Variants in GABBR2 observed in about 807,000 individuals in gnomAD.
The protein encoded by GABBR2 is G-protein coupled receptor 51.
Under a neutral mutation model 105.6 loss-of-function variants are expected in GABBR2, and 23 were observed. The observed-to-expected ratio is 0.22, with a 90% confidence interval of 0.16 to 0.31. The LOEUF is 0.31. Among genes scored for constraint, GABBR2 ranks in the 10% least tolerant of loss-of-function variants. GABBR2 has a pLI of 1.00. For missense variants in GABBR2, 734 were observed against 1,245.5 expected (o/e 0.59, Z 6.18); for synonymous variants, 478 against 499.7 (o/e 0.96, Z 0.58).
Position 98,708,641 on chromosome 9 carries a change from GC to G in GABBR2, c.96del (p.Leu33CysfsTer82). On this transcript the variant is annotated frameshift_variant, in exon 1 of 19. Transcript: ENST00000259455. LOFTEE classifies it high-confidence loss of function. The stretch of plus-strand genomic sequence containing the variant: ...CCCCAGGCCCCGGGCGCCAGAGGCA[GC>G]AGCAGCGGCAGCAGCAGTAGCAGTA... ...RLLLLLLLPLLLPLAPGAWGW... is the reference protein window; with the variant it reads ...RLLLLLLLPLXLPLAPGAWGW... 2 of 1,240,844 alleles carry G rather than the reference GC, an allele frequency of 1.6e-6. No homozygotes were observed. Among genetic ancestry groups the G allele is most frequent in the Non-Finnish European group, 2.0e-6 (2 of 994,722 alleles). The allele number at this position is 1,240,844 out of a possible 1,614,324, so 76.9% of individuals were successfully genotyped here.
chr9:98,380,131 A>C (rs1196831185), intron 11 of GABBR2, among the ~76,000 whole-genome samples: 2 of 152,214 alleles, frequency 1.3e-5, no homozygotes, highest in Non-Finnish European at 2.9e-5. Context: ...CTGCTCCGTC[A>C]GGTGGGGACA....
chr9:98,495,878 A>G (rs910453746), intron 4 of GABBR2: 2 of 154,522 alleles, frequency 1.3e-5, no homozygotes, highest in Non-Finnish European at 2.9e-5. Flanking sequence ...GATGATGTCT[A>G]TGAGCCCAAG....
At chr9:98,640,037 T>C (rs548234846) in intron 1 of GABBR2, among the ~76,000 whole-genome samples, 2 of 152,182 alleles carry the variant, frequency 1.3e-5, no homozygotes, top group East Asian at 1.9e-4. Flanking sequence ...AAGGGATTCT[T>C]GGCTTAATTC....
chr9:98,440,187 C>T (rs1457952057), intron 7 of GABBR2, among the ~76,000 whole-genome samples: 1 of 144,224 alleles, frequency 6.9e-6, no homozygotes, highest in South Asian at 2.3e-4. Flanking sequence ...TCAGTTGCAG[C>T]CACACTGCCA....
intron 11 of GABBR2, among the ~76,000 whole-genome samples, chr9:98,373,097 C>T (rs1199677416): frequency 6.6e-6 from 1 of 151,778 alleles, no homozygotes; most frequent in Non-Finnish European, 1.5e-5. Flanking sequence ...GAAAAATATA[C>T]AAAACAGGGA....
intron 2 of GABBR2, among the ~76,000 whole-genome samples, chr9:98,569,850 TCA>T (rs1198153731): frequency 6.6e-6 from 1 of 152,220 alleles, no homozygotes; most frequent in Non-Finnish European, 1.5e-5. Flanking sequence ...TTTTGATTTC[TCA>T]GACAGCCTAC....
chr9:98,518,210 G>C (rs1827797438), intron 3 of GABBR2, among the ~76,000 whole-genome samples: 1 of 152,170 alleles, frequency 6.6e-6, no homozygotes, highest in African/African-American at 2.4e-5. Flanking sequence ...AGCCCCTGGA[G>C]CTGCAGTAGC....
chr9:98,325,917 C>T lies in GABBR2; in HGVS notation c.1894-14712G>A, dbSNP rs73492826. On this transcript the variant is annotated intron_variant, in intron 13 of 18. Transcript: ENST00000259455. ...GGTGTTCTTCAAAGACCTAAGGGCC[C>T]ATGCATCCTATGATTCAGAACCCCC... Among the ~76,000 whole-genome samples the T allele has an allele frequency of 9.6e-3, 1,458 of 152,316 alleles. 25 individuals carry two copies. Among genetic ancestry groups the T allele is most frequent in the African/African-American group, 0.034 (1,410 of 41,556 alleles).
chr9:98,499,461 G>C (rs148213426), intron 3 of GABBR2, among the ~76,000 whole-genome samples: 331 of 152,290 alleles, frequency 2.2e-3, no homozygotes, highest in Admixed American at 3.3e-3. Flanking sequence ...TGGTCAGTGA[G>C]GTCAGCCACT....
chr9:98,394,231 T>C lies in GABBR2; in HGVS notation c.1322A>G (p.Glu441Gly). 1 of 1,613,700 alleles carries C rather than the reference T, an allele frequency of 6.2e-7. No individual in the cohort carries two copies. The highest frequency in any genetic ancestry group is 1.1e-5 in the South Asian group (1 of 91,056). Residue 441 changes from glutamate to glycine, a missense_variant, in exon 9 of 19, where the codon GAG (glutamate) becomes GGG (glycine). Around this residue, in one of 7 missense-constraint regions of GABBR2, gnomAD observed 370 missense variants for 648.9 expected, o/e 0.57. Transcript: ENST00000259455. ...CAGTGTGTCGGCCACAGCGTTGTAC[T>C]CTCCCACCTTCACCTCCCTGCTGTC... ...FQDSREVKVG[E>G]YNAVADTLEI... is the part of the protein sequence containing the mutation.
chr9:98,318,694 C>CGGCCA (rs1362094346), intron 13 of GABBR2, among the ~76,000 whole-genome samples: 4 of 152,198 alleles, frequency 2.6e-5, no homozygotes, highest in Non-Finnish European at 5.9e-5. Flanking sequence ...CAGCCCGGCC[C>CGGCCA]GGCCAGTGCT....
chr9:98,312,898 C>T (rs377409347), intron 13 of GABBR2, among the ~76,000 whole-genome samples: 4 of 152,032 alleles, frequency 2.6e-5, no homozygotes, highest in South Asian at 2.1e-4. Context: ...TATAGGCGGC[C>T]GCCACCATGC....
At chr9:98,576,933 T>TGGATGGATGGATGGATGGAA (rs761095503) in intron 2 of GABBR2, among the ~76,000 whole-genome samples, 38,787 of 145,324 alleles carry the variant, frequency 0.27, 6,434 homozygotes, top group East Asian at 0.4. Flanking sequence ...GATGGATGGA[T>TGGATGGATGGATGGATGGAA]GGATGGATGG....
intron 7 of GABBR2, among the ~76,000 whole-genome samples, chr9:98,424,764 C>A (rs1339129873): frequency 6.6e-6 from 1 of 152,098 alleles, no homozygotes; most frequent in East Asian, 1.9e-4. Context: ...ACTTAGGAAT[C>A]CAACTTACAA....
At chr9:98,672,946 T>C (rs1830423921) in intron 1 of GABBR2, among the ~76,000 whole-genome samples, 1 of 152,232 alleles carries the variant, frequency 6.6e-6, no homozygotes, top group Non-Finnish European at 1.5e-5. Flanking sequence ...ACATTCACAA[T>C]AATTGTATTA....
chr9:98,580,862 C>T (rs1463612697), intron 1 of GABBR2, among the ~76,000 whole-genome samples: 1 of 152,170 alleles, frequency 6.6e-6, no homozygotes, highest in Non-Finnish European at 1.5e-5. Context: ...CACGTTCTCT[C>T]CTTATTTTTG....
intron 3 of GABBR2, among the ~76,000 whole-genome samples, chr9:98,524,091 T>C (rs959423490): frequency 6.6e-6 from 1 of 152,144 alleles, no homozygotes; most frequent in African/African-American, 2.4e-5. Context: ...TGAGAAAATA[T>C]GTTACTAAAT....
At chr9:98,337,571 C>A (rs1831137909) in intron 13 of GABBR2, among the ~76,000 whole-genome samples, 1 of 152,140 alleles carries the variant, frequency 6.6e-6, no homozygotes, top group African/African-American at 2.4e-5. Flanking sequence ...ACTCACACTT[C>A]CAATTTTAAT....
intron 2 of GABBR2, among the ~76,000 whole-genome samples, chr9:98,557,829 C>A (rs193267400): frequency 2.0e-5 from 3 of 152,236 alleles, no homozygotes; most frequent in South Asian, 4.2e-4. Flanking sequence ...AGGGAACATA[C>A]TAATTAAGTT....
Sources: allele counts gnomAD v4.1 joint callset (sites outside exome capture counted in the v4.1 genomes callset), GRCh38; gene constraint gnomAD v4.1.1; regional missense constraint gnomAD v4.1.1; transcripts MANE v1.5; gene names NCBI Gene and HGNC (gene_info 2026-07-23, HGNC 2026-07-21).